Variants in CSMD1 observed in about 807,000 individuals in gnomAD.
CSMD1 encodes the protein CUB and Sushi multiple domains 1, also known as CUB and sushi domain-containing protein 1.
A neutral mutation model predicts 417.5 loss-of-function variants in CSMD1; 213 were observed. That is an observed-to-expected ratio of 0.51 (90% CI 0.46 to 0.57). The LOEUF is 0.57. Among genes scored for constraint, CSMD1 ranks in the 20% least tolerant of loss-of-function variants. The pLI is 0.00. For missense variants in CSMD1, 6,923 were observed against 4,529.7 expected (o/e 1.53, Z -15.17); for synonymous variants, 2,862 against 1,736.8 (o/e 1.65, Z -16.11).
At chr8:4,009,055 T>C (rs1816353360) in intron 4 of CSMD1, among the ~76,000 whole-genome samples, 1 of 152,186 alleles carries the variant, frequency 6.6e-6, no homozygotes, top group South Asian at 2.1e-4. Context: ...TTTTCCTTTA[T>C]TGAGTTATCA....
At chr8:4,069,814 C>T (rs1178100371) in intron 3 of CSMD1, among the ~76,000 whole-genome samples, 1 of 152,228 alleles carries the variant, frequency 6.6e-6, no homozygotes, top group African/African-American at 2.4e-5. Flanking sequence ...CGACAACTCA[C>T]TACTGAAAGA....
chr8:3,108,746 T>A lies in CSMD1; in HGVS notation c.6611A>T (p.Asp2204Val). The A allele has an allele frequency of 6.2e-7, 1 of 1,608,740 alleles. No individual in the cohort carries two copies. Among genetic ancestry groups the A allele is most frequent in the East Asian group, 2.2e-5 (1 of 44,810 alleles). ...CTGGGGTGAGTTCTGATCGGGACCG[T>A]CCCTAGGAAAGACAGAAAGAGGTGG... ...EAVNDYIAVW[D>V]GPDQNSPQLG... Residue 2204 changes from aspartate (D) to valine (V), a missense_variant and splice_region_variant, in exon 44 of 70, where the codon GAC (aspartate) becomes GTC (valine). Physicochemically the swap from Asp to Val is radical, Grantham distance 152. Coordinates refer to ENST00000635120, the MANE Select transcript of CSMD1 (RefSeq NM_033225.6).
At chr8:3,709,017 G>C (rs533104978) in intron 6 of CSMD1, among the ~76,000 whole-genome samples, 2 of 152,292 alleles carry the variant, frequency 1.3e-5, no homozygotes, top group Non-Finnish European at 2.9e-5. Context: ...TAAAGTGCTA[G>C]ACACCACCAG....
intron 5 of CSMD1, among the ~76,000 whole-genome samples, chr8:3,895,735 TA>T (rs1359845121): frequency 6.6e-6 from 1 of 152,202 alleles, no homozygotes; most frequent in Non-Finnish European, 1.5e-5. Flanking sequence ...TTCTTTCACT[TA>T]TTTATTCATT....
intron 49 of CSMD1, among the ~76,000 whole-genome samples, chr8:3,074,388 G>C (rs1226772790): frequency 6.6e-6 from 1 of 152,086 alleles, no homozygotes; most frequent in Admixed American, 6.5e-5. Context: ...AGGGTCCACC[G>C]CACCCCCAGG....
At chr8:3,580,171 G>A (rs553015298) in intron 9 of CSMD1, among the ~76,000 whole-genome samples, 1 of 152,312 alleles carries the variant, frequency 6.6e-6, no homozygotes. Context: ...GTTGAACACT[G>A]AGGGTATGGC....
intron 1 of CSMD1, among the ~76,000 whole-genome samples, chr8:4,883,928 G>A (rs1021696172): frequency 3.9e-5 from 6 of 151,980 alleles, no homozygotes; most frequent in African/African-American, 1.5e-4. Context: ...CAAAGAGATT[G>A]CAATATTTCA....
chr8:4,766,432 G>A (rs994401064), intron 1 of CSMD1, among the ~76,000 whole-genome samples: 2 of 152,192 alleles, frequency 1.3e-5, no homozygotes, highest in African/African-American at 2.4e-5. Flanking sequence ...CTTCGATCAC[G>A]AATATATACA....
At chr8:4,876,285 A>G (rs1803038686) in intron 1 of CSMD1, among the ~76,000 whole-genome samples, 1 of 152,054 alleles carries the variant, frequency 6.6e-6, no homozygotes, top group Admixed American at 6.5e-5. Flanking sequence ...TGCTGCAATC[A>G]TTGCTTCTTT....
chr8:4,836,735 C>A (rs1396881216), intron 1 of CSMD1, among the ~76,000 whole-genome samples: 1 of 152,026 alleles, frequency 6.6e-6, no homozygotes, highest in African/African-American at 2.4e-5. Context: ...AAGGTCTAAA[C>A]CCCCAGATAT....
At chr8:4,932,128 C>A (rs796493356) in intron 1 of CSMD1, among the ~76,000 whole-genome samples, 2 of 151,254 alleles carry the variant, frequency 1.3e-5, no homozygotes, top group African/African-American at 4.9e-5. Flanking sequence ...TGTTTAATCA[C>A]ATTTCTGTTG....
At chr8:3,418,350 G>C (rs1295282021) in intron 12 of CSMD1, among the ~76,000 whole-genome samples, 2 of 152,110 alleles carry the variant, frequency 1.3e-5, no homozygotes, top group African/African-American at 4.8e-5. Flanking sequence ...CTTGTTTATA[G>C]CACTGTCCAA....
chr8:4,641,851 G>GA (rs35832188), intron 1 of CSMD1, among the ~76,000 whole-genome samples: 2 of 151,678 alleles, frequency 1.3e-5, no homozygotes, highest in South Asian at 2.1e-4. Context: ...CCCATTGAAG[G>GA]AAAAAAAAGT....
At chr8:4,512,980 G>A (rs775662255) in intron 2 of CSMD1, among the ~76,000 whole-genome samples, 1 of 152,178 alleles carries the variant, frequency 6.6e-6, no homozygotes, top group Non-Finnish European at 1.5e-5. Context: ...GAACAGGTCA[G>A]TGATTGCCAG....
At chr8:3,497,013 G>A (rs942190313) in intron 10 of CSMD1, among the ~76,000 whole-genome samples, 3 of 152,070 alleles carry the variant, frequency 2.0e-5, no homozygotes, top group African/African-American at 7.2e-5. Flanking sequence ...TACTTGATAT[G>A]ATTTAGATTT....
intron 1 of CSMD1, among the ~76,000 whole-genome samples, chr8:4,933,231 T>C (rs1341988976): frequency 2.6e-5 from 4 of 152,108 alleles, no homozygotes; most frequent in Non-Finnish European, 4.4e-5. Context: ...GTTTTCCCAC[T>C]AAGTATGATA....
At chr8:3,778,043 T>G (rs773014234) in intron 5 of CSMD1, among the ~76,000 whole-genome samples, 30 of 152,336 alleles carry the variant, frequency 2.0e-4, no homozygotes, top group Non-Finnish European at 3.1e-4. Flanking sequence ...TGTCTGTGCT[T>G]AACAGGCTGT....
At chr8:4,461,637 A>G (rs1406721414) in intron 2 of CSMD1, among the ~76,000 whole-genome samples, 1 of 151,290 alleles carries the variant, frequency 6.6e-6, no homozygotes, top group Non-Finnish European at 1.5e-5. Context: ...TGCATCGTGT[A>G]CCTCCTGGGC....
intron 1 of CSMD1, among the ~76,000 whole-genome samples, chr8:4,669,998 G>T (rs901062393): frequency 3.3e-5 from 5 of 152,250 alleles, no homozygotes; most frequent in Admixed American, 3.3e-4. Context: ...TAACACTAGT[G>T]AAGTGTTGCT....
Sources: gnomAD v4.1 joint callset for allele counts (sites outside exome capture counted in the v4.1 genomes callset) on GRCh38, gnomAD v4.1.1 for gene constraint, MANE v1.5 for transcripts, NCBI Gene and HGNC (gene_info 2026-07-23, HGNC 2026-07-21) for gene names.